Variants in WWC2 observed in about 807,000 individuals in gnomAD.
The protein encoded by WWC2 is protein WWC2.
Under a neutral mutation model 138.5 loss-of-function variants are expected in WWC2, and 101 were observed. The ratio of observed to expected loss-of-function variants is 0.73; its 90% CI spans 0.62 to 0.86. The LOEUF (loss-of-function observed/expected upper bound fraction) is 0.86, where lower values mean the gene tolerates loss of function less well. Among genes scored for constraint, WWC2 ranks in the 40% least tolerant of loss-of-function variants. The pLI, the probability that WWC2 is intolerant of heterozygous loss-of-function variation, is 0.00. For synonymous variants in WWC2, 558 were observed against 538.4 expected, an observed-to-expected ratio of 1.04 and a Z score of -0.50; for missense variants, 1,420 against 1,419.4, an observed-to-expected ratio of 1.00 and a Z score of -0.01.
In WWC2 at chr4:183,320,286, A is replaced by G; in HGVS notation, c.*4557A>G. On this transcript the variant is annotated 3_prime_UTR_variant, in exon 23 of 23. Coordinates refer to ENST00000403733, the MANE Select transcript of WWC2 (RefSeq NM_024949.6). The stretch of plus-strand genomic sequence containing the variant: ...CGGTTGCTGTGAAAAGAAGTGTGAC[A>G]CTTGTGTTATAACTTATGAAACTCA... 7.2e-6 allele frequency: 10 copies of G among 1,379,968 alleles called. No individual in the cohort carries two copies. In the South Asian group the frequency reaches 1.2e-4, roughly 17 times the overall value. 85.5% of individuals were successfully genotyped at this position (1,379,968 alleles called of 1,614,324 possible).
At chr4:183,127,902 A>G (rs1171907712) in intron 1 of WWC2, among the ~76,000 whole-genome samples, 1 of 152,174 alleles carries the variant, frequency 6.6e-6, no homozygotes, top group Non-Finnish European at 1.5e-5. Flanking sequence ...TAAATGTAAG[A>G]GACATTTTCC....
At chr4:183,113,480 C>CTG (rs113602820) in intron 1 of WWC2, among the ~76,000 whole-genome samples, 2,939 of 143,766 alleles carry the variant, frequency 0.02, 55 homozygotes, top group African/African-American at 0.045. Flanking sequence ...AAGGTGGGGC[C>CTG]TGTGTGTGTG....
At chr4:183,173,550 C>T (rs563086564) in intron 1 of WWC2, among the ~76,000 whole-genome samples, 1 of 151,910 alleles carries the variant, frequency 6.6e-6, no homozygotes, top group African/African-American at 2.4e-5. Context: ...GCTCTTCACT[C>T]CTTCCAGACA....
At chr4:183,263,244 A>G (rs936203836) in intron 11 of WWC2, among the ~76,000 whole-genome samples, 4 of 152,138 alleles carry the variant, frequency 2.6e-5, no homozygotes, top group South Asian at 2.1e-4. Flanking sequence ...GACCACTTCT[A>G]ACATTCAGCC....
At chr4:183,275,262 G>A (rs2111390135) in intron 16 of WWC2, among the ~76,000 whole-genome samples, 1 of 151,972 alleles carries the variant, frequency 6.6e-6, no homozygotes, top group East Asian at 1.9e-4. Context: ...AAATAGAGGT[G>A]ATTTTACTTC....
At chr4:183,142,304 A>G (rs909965527) in intron 1 of WWC2, among the ~76,000 whole-genome samples, 8 of 152,218 alleles carry the variant, frequency 5.3e-5, no homozygotes, top group African/African-American at 1.7e-4. Context: ...TTTAACTGCA[A>G]TACACATTTT....
At chr4:183,223,751 T>C (rs1735990924) in intron 4 of WWC2, among the ~76,000 whole-genome samples, 1 of 152,314 alleles carries the variant, frequency 6.6e-6, no homozygotes, top group African/African-American at 2.4e-5. Context: ...AGTCTCACCT[T>C]GTCTTACCCA....
chr4:183,176,788 C>G (rs376982018), intron 1 of WWC2, among the ~76,000 whole-genome samples: 12 of 152,068 alleles, frequency 7.9e-5, no homozygotes, highest in African/African-American at 2.9e-4. Context: ...TCTCCTTACT[C>G]TCACAGGGGA....
At chr4:183,153,582 G>A (rs1166808008) in intron 1 of WWC2, among the ~76,000 whole-genome samples, 3 of 150,964 alleles carry the variant, frequency 2.0e-5, no homozygotes, top group Non-Finnish European at 4.4e-5. Context: ...CGATACTAAT[G>A]TGTTATTTTA....
intron 1 of WWC2, among the ~76,000 whole-genome samples, chr4:183,146,340 G>A (rs1464591806): frequency 6.6e-6 from 1 of 152,202 alleles, no homozygotes; most frequent in Non-Finnish European, 1.5e-5. Flanking sequence ...AGAAAAAAAA[G>A]AAGGAGGAAT....
intron 1 of WWC2, among the ~76,000 whole-genome samples, chr4:183,113,513 T>TGCGCGCGCGC (rs755776067): frequency 5.3e-4 from 59 of 112,182 alleles, no homozygotes; most frequent in Non-Finnish European, 8.9e-4. Context: ...TGTGTGTGTG[T>TGCGCGCGCGC]GTGCGCGCGC....
intron 1 of WWC2, among the ~76,000 whole-genome samples, chr4:183,184,113 A>G (rs150305088): frequency 7.5e-4 from 114 of 152,284 alleles, no homozygotes; most frequent in African/African-American, 2.6e-3. Context: ...TCCTCCTCCA[A>G]GGTACCCACT....
rs1295463273 is a variant in WWC2, at chr4:183,317,631, G to A, written c.*1902G>A. On this transcript the variant is annotated 3_prime_UTR_variant, in exon 23 of 23. Transcript: ENST00000403733. ...AGAATTATGTGTAGTTGTTCCGTAC[G>A]ATTTTATTTTCTTCATTTATTTATT... The A allele has an allele frequency of 1.3e-5, 2 of 152,490 alleles. No homozygotes were observed. Among genetic ancestry groups the A allele is most frequent in the Admixed American group, 6.5e-5 (1 of 15,274 alleles). The allele number at this position is 152,490 out of a possible 1,614,324, so 9.4% of individuals were successfully genotyped here.
intron 1 of WWC2, among the ~76,000 whole-genome samples, chr4:183,155,627 A>G (rs1223030532): frequency 6.6e-6 from 1 of 152,044 alleles, no homozygotes; most frequent in Non-Finnish European, 1.5e-5. Context: ...TGGTATTGGA[A>G]TGAGATTATG....
chr4:183,254,740 C>T (rs761269800), intron 9 of WWC2, among the ~76,000 whole-genome samples: 11 of 152,152 alleles, frequency 7.2e-5, no homozygotes, highest in Non-Finnish European at 1.3e-4. Flanking sequence ...AGAACGACCG[C>T]ATGTACATCC....
intron 17 of WWC2, 193 bp downstream of exon 17, chr4:183,281,090 G>T: frequency 1.5e-6 from 1 of 669,680 alleles, no homozygotes. Flanking sequence ...TATGGGCAAA[G>T]TTAAAACATT....
chr4:183,135,380 CT>C (rs961610050), intron 1 of WWC2, among the ~76,000 whole-genome samples: 29 of 150,146 alleles, frequency 1.9e-4, no homozygotes, highest in Non-Finnish European at 3.0e-4. Flanking sequence ...TAGAGGTTTG[CT>C]TTTTTTTTGG....
intron 1 of WWC2, among the ~76,000 whole-genome samples, chr4:183,162,291 A>G (rs995273774): frequency 6.6e-5 from 10 of 152,328 alleles, no homozygotes; most frequent in African/African-American, 2.2e-4. Flanking sequence ...TCATTTGCCT[A>G]TACACTTATA....
intron 1 of WWC2, among the ~76,000 whole-genome samples, chr4:183,108,245 A>C (rs1050863896): frequency 6.6e-6 from 1 of 152,120 alleles, no homozygotes; most frequent in African/African-American, 2.4e-5. Context: ...TGCCTCCATC[A>C]GGTGATCAAA....
Sources: allele counts gnomAD v4.1 joint callset (sites outside exome capture counted in the v4.1 genomes callset), GRCh38; gene constraint gnomAD v4.1.1; transcripts MANE v1.5; gene names NCBI Gene and HGNC (gene_info 2026-07-23, HGNC 2026-07-21).